The following GAB4 variants were observed in gnomAD, a reference collection of about 807,000 sequenced individuals.
GAB4 encodes the protein GRB2 associated binding protein family member 4, also known as GRB2-associated-binding protein 4.
In GAB4, 26 loss-of-function variants were observed where a neutral mutation model predicts 51.3. The ratio of observed to expected loss-of-function variants is 0.51; its 90% CI spans 0.37 to 0.70. GAB4 has a LOEUF of 0.70. GAB4 is among the 30% of genes least tolerant of loss of function. The pLI is 0.00. For missense variants in GAB4, 759 were observed against 734.6 expected, an observed-to-expected ratio of 1.03 and a Z score of -0.38; for synonymous variants, 329 against 291.2, an observed-to-expected ratio of 1.13 and a Z score of -1.32.
rs2061056382 is a variant in GAB4, at chr22:17,007,980, C to G, written c.135G>C (p.Trp45Cys). The G allele has an allele frequency of 6.2e-7, 1 of 1,600,694 alleles. No individual in the cohort carries two copies. Among genetic ancestry groups the G allele is most frequent in the African/African-American group, 1.4e-5 (1 of 73,810 alleles). ...TRSGHVLYSGWLRKSPPEKKL... is the reference protein window; with the variant it reads ...TRSGHVLYSGCLRKSPPEKKL... ...TCTTCTCGGGGGGCGACTTCCTCAG[C>G]CAGCCGCTGTACAGCACGTGGCCAC... The change falls in exon 1 of 10, where the codon TGG becomes TGC. Residue 45 changes from tryptophan to cysteine, a missense_variant. Physicochemically the swap from Trp to Cys is radical, Grantham distance 215. This residue lies in a region of GAB4 where 83 missense variants were observed against 73.1 expected (regional missense o/e 1.14). Transcript: ENST00000400588.
At position 16,986,545 on chromosome 22, in the gene GAB4, T is replaced by C. The variant is rs114843389; in HGVS notation, c.686+1415A>G. Among the ~76,000 whole-genome samples the C allele has an allele frequency of 4.0e-3, 609 of 152,274 alleles. 1 individual carries two copies. The highest frequency in any genetic ancestry group is 0.024 in the Middle Eastern group (7 of 294). Reference sequence around the variant, plus strand: ...CGTTTCCATTCTGAAGATAAGGAAGTTGAAGGTCAAAGAGGTTAAATAAGT... The same window carrying C: ...CGTTTCCATTCTGAAGATAAGGAAGCTGAAGGTCAAAGAGGTTAAATAAGT... On this transcript the variant is annotated intron_variant, in intron 3 of 9. Coordinates refer to ENST00000400588, the MANE Select transcript of GAB4 (RefSeq NM_001037814.1).
rs376659978 is a variant in GAB4 at position 16,968,340 on chromosome 22, G to C, written c.981C>G (p.Ser327Arg). The C allele has an allele frequency of 2.5e-5, 40 of 1,613,930 alleles. No individual in the cohort carries two copies. The South Asian group carries it at 4.2e-4, about 17-fold the overall frequency. The change falls in exon 5 of 10, where the codon AGC becomes AGG. Residue 327 changes from serine to arginine, a missense_variant. By Grantham distance (110) the Ser-to-Arg change is moderately radical. Coordinates refer to ENST00000400588, the MANE Select transcript of GAB4 (RefSeq NM_001037814.1). Reference protein sequence around the residue: ...KYTQHGGGNASRPAESMHEGV... With the variant: ...KYTQHGGGNARRPAESMHEGV... ...CCTCATGCATGGACTCAGCAGGCCG[G>C]CTGGCATTCCCTCCACCATGCTGGG...
intron 3 of GAB4, among the ~76,000 whole-genome samples, chr22:16,981,571 A>C (rs1403870084): frequency 6.6e-6 from 1 of 152,214 alleles, no homozygotes; most frequent in East Asian, 1.9e-4. Context: ...GCAAGGTTGA[A>C]TCATGAAGAA....
At chr22:16,976,716 T>A (rs897496297) in intron 3 of GAB4, among the ~76,000 whole-genome samples, 4 of 151,272 alleles carry the variant, frequency 2.6e-5, no homozygotes, top group African/African-American at 9.7e-5. Context: ...GACACATAAT[T>A]GTCAGATTCA....
intron 3 of GAB4, among the ~76,000 whole-genome samples, chr22:16,987,241 C>T (rs1420980143): frequency 2.0e-5 from 3 of 152,214 alleles, no homozygotes; most frequent in Non-Finnish European, 2.9e-5. Flanking sequence ...CAACTGAGCA[C>T]CAGCTCTGGC....
At chr22:16,989,228 G>T (rs554128039) in intron 2 of GAB4, among the ~76,000 whole-genome samples, 2 of 152,214 alleles carry the variant, frequency 1.3e-5, no homozygotes, top group Admixed American at 1.3e-4. Flanking sequence ...AGAAATGAAG[G>T]TCTACAGGTG....
chr22:16,962,990 T>G, intron 9 of GAB4, 114 bp from the exon 10 acceptor site: 2 of 977,752 alleles, frequency 2.0e-6, no homozygotes, highest in Non-Finnish European at 3.0e-6. Flanking sequence ...AACCTCTGCC[T>G]CCTGCTCTCA....
chr22:16,977,439 A>G (rs934517069), intron 3 of GAB4, among the ~76,000 whole-genome samples: 1 of 152,220 alleles, frequency 6.6e-6, no homozygotes, highest in African/African-American at 2.4e-5. Flanking sequence ...AGGGCTTTAC[A>G]TAATGGTAAA....
rs2061055061 is a variant in GAB4 at position 17,007,921 on chromosome 22, GC to G, written c.174+19del. 3 of 1,452,160 alleles carry G rather than the reference GC, an allele frequency of 2.1e-6. No homozygotes were observed. The highest frequency in any genetic ancestry group is 2.3e-5 in the Admixed American group (1 of 44,240). 90.0% of individuals were successfully genotyped at this position (1,452,160 alleles called of 1,614,324 possible). The stretch of plus-strand genomic sequence containing the variant: ...GACCCTCCGTGGCGCTCCTGGTACC[GC>G]CCCCACTGCCCCACTCACAAAGAGC... On this transcript the variant is annotated intron_variant, in intron 1 of 9. Coordinates refer to ENST00000400588, the MANE Select transcript of GAB4 (RefSeq NM_001037814.1).
chr22:16,989,086 G>A (rs1287372939), intron 2 of GAB4, among the ~76,000 whole-genome samples: 1 of 152,158 alleles, frequency 6.6e-6, no homozygotes, highest in East Asian at 1.9e-4. Flanking sequence ...TACTGATGTT[G>A]TTACCTCCAC....
chr22:16,986,458 A>G (rs1029387089), intron 3 of GAB4, among the ~76,000 whole-genome samples: 3 of 152,220 alleles, frequency 2.0e-5, no homozygotes, highest in African/African-American at 7.2e-5. Context: ...GGGACTGAGC[A>G]TCTGCCACTG....
intron 3 of GAB4, among the ~76,000 whole-genome samples, chr22:16,971,380 T>C (rs905678977): frequency 3.3e-5 from 5 of 152,178 alleles, no homozygotes; most frequent in African/African-American, 1.2e-4. Context: ...GGGTCCATCT[T>C]GCTCTGCAAC....
Position 16,962,709 on chromosome 22 carries a change from C to A in GAB4, c.*24G>T. 1 of 1,602,840 alleles carries A rather than the reference C, an allele frequency of 6.2e-7. No individual in the cohort carries two copies. The highest frequency in any genetic ancestry group is 8.5e-7 in the Non-Finnish European group (1 of 1,176,402). On this transcript the variant is annotated 3_prime_UTR_variant, in exon 10 of 10. Coordinates refer to ENST00000400588, the MANE Select transcript of GAB4 (RefSeq NM_001037814.1). ...GCAGCTCTGAGGCACTGTCCTGGCC[C>A]CACTCTGGTTTTGGTGGCCCGAGTC... is the stretch of plus-strand genomic sequence containing the variant.
chr22:16,964,639 G>C, intron 8 of GAB4, 127 bp downstream of exon 8: 1 of 629,104 alleles, frequency 1.6e-6, no homozygotes, highest in Non-Finnish European at 2.9e-6. Context: ...GCTTGCAATA[G>C]GAGACCAAAT....
intron 3 of GAB4, among the ~76,000 whole-genome samples, chr22:16,984,256 C>T (rs1043857722): frequency 3.9e-5 from 6 of 152,162 alleles, no homozygotes; most frequent in African/African-American, 1.4e-4. Flanking sequence ...CATGAGATAT[C>T]ATCTCCCCCA....
intron 6 of GAB4, 24 bp downstream of exon 6, chr22:16,966,076 G>C (rs752992576): frequency 3.1e-6 from 5 of 1,610,902 alleles, no homozygotes; most frequent in Non-Finnish European, 3.4e-6. Context: ...ACATTGTCAA[G>C]AAATAGAATG....
chr22:16,962,356 G>A lies in GAB4; in HGVS notation c.*377C>T, dbSNP rs2060636235. 5.8e-6 allele frequency: 1 copy of A among 172,548 alleles called. No individual in the cohort carries two copies. Among genetic ancestry groups the A allele is most frequent in the Non-Finnish European group, 1.2e-5 (1 of 82,030 alleles). 10.7% of individuals were successfully genotyped at this position (172,548 alleles called of 1,614,324 possible). On this transcript the variant is annotated 3_prime_UTR_variant, in exon 10 of 10. Coordinates refer to ENST00000400588, the MANE Select transcript of GAB4 (RefSeq NM_001037814.1). ...GGCTGAAAAGGTCCATGTCCACTGT[G>A]GCCTGTGGGCCTTGGGTCCCCGGGT...
At position 16,965,233 on chromosome 22, in the gene GAB4, C is replaced by T. The variant is rs576341172; in HGVS notation, c.1324G>A (p.Val442Ile). The T allele has an allele frequency of 1.9e-6, 3 of 1,614,094 alleles. No homozygotes were observed. In the East Asian group the frequency reaches 6.7e-5, roughly 36 times the overall value. ...GGCTTGAAGGAGAGCTCATTGATGA[C>T]CCTGTTGTTTCTCAGGTTGGGCGGT... Reference protein sequence around the residue: ...PTPPNLRNNRVINELSFKPPV... With the variant: ...PTPPNLRNNRIINELSFKPPV... Residue 442 changes from valine to isoleucine, a missense_variant, in exon 7 of 10, where the codon GTC (valine) becomes ATC (isoleucine). Around this residue, in one of 3 missense-constraint regions of GAB4, gnomAD observed 588 missense variants for 510.2 expected, o/e 1.15. Coordinates refer to ENST00000400588, the MANE Select transcript of GAB4 (RefSeq NM_001037814.1).
At chr22:16,983,614 T>C (rs981465889) in intron 3 of GAB4, among the ~76,000 whole-genome samples, 8 of 152,114 alleles carry the variant, frequency 5.3e-5, no homozygotes, top group African/African-American at 1.2e-4. Flanking sequence ...CACAGGCCAA[T>C]GGAACAGAAT....
Sources: gnomAD v4.1 joint callset for allele counts (sites outside exome capture counted in the v4.1 genomes callset) on GRCh38, gnomAD v4.1.1 for gene constraint, gnomAD v4.1.1 regional missense constraint, MANE v1.5 for transcripts, NCBI Gene and HGNC (gene_info 2026-07-23, HGNC 2026-07-21) for gene names.